Variants in TRPV3 observed in about 807,000 individuals in gnomAD.
TRPV3 encodes transient receptor potential cation channel subfamily V member 3.
TRPV3 carries 88 observed loss-of-function variants against 87.1 expected under a neutral mutation model. The observed-to-expected ratio is 1.01, with a 90% confidence interval of 0.85 to 1.21. The LOEUF is 1.21. TRPV3 is among the 50% of genes most tolerant of loss of function. The pLI is 0.00. For synonymous variants in TRPV3, 438 were observed against 423.3 expected, an observed-to-expected ratio of 1.03 and a Z score of -0.43; for missense variants, 1,054 against 1,030.1, an observed-to-expected ratio of 1.02 and a Z score of -0.32.
intron 2 of TRPV3, among the ~76,000 whole-genome samples, chr17:3,545,824 CAA>C (rs35206458): frequency 2.0e-4 from 25 of 124,524 alleles, no homozygotes; most frequent in Admixed American, 3.2e-4. Context: ...ACTTAAAATG[CAA>C]AAAAAAAAAA....
chr17:3,546,781 CAA>C (rs1491527741), intron 2 of TRPV3: 1 of 423,264 alleles, frequency 2.4e-6, no homozygotes, highest in Non-Finnish European at 4.8e-6. Context: ...AGTTTGAGGC[CAA>C]TGCGGCAAAA....
chr17:3,545,191 G>A lies in TRPV3; in HGVS notation c.200C>T (p.Pro67Leu). 1 of 1,613,916 alleles carries A rather than the reference G, an allele frequency of 6.2e-7. No homozygotes were observed. Among genetic ancestry groups the A allele is most frequent in the Non-Finnish European group, 8.5e-7 (1 of 1,179,886 alleles). ...AKTSPPVFSKPMDSNIRQCIS... is the reference protein window; with the variant it reads ...AKTSPPVFSKLMDSNIRQCIS... ...CCACTGCCGGATGTTGGAATCCATG[G>A]GCTTGGAGAAGACAGGAGGAGAGGT... is the stretch of plus-strand genomic sequence containing the variant. The change falls in exon 3 of 18, where the codon CCC becomes CTC. Residue 67 changes from proline (P) to leucine (L), a missense_variant. Pro to Leu is a moderately conservative substitution (Grantham distance 98, BLOSUM62 -3). Transcript: ENST00000576742.
chr17:3,535,890 C>A (rs867652839), intron 6 of TRPV3, among the ~76,000 whole-genome samples, 177 bp from the exon 7 acceptor site: 1 of 152,204 alleles, frequency 6.6e-6, no homozygotes, highest in South Asian at 2.1e-4. Flanking sequence ...CTGCGCGGAC[C>A]CAAGAAATGT....
intron 2 of TRPV3, 100 bp from the exon 3 acceptor site, chr17:3,545,371 C>T: frequency 1.2e-6 from 1 of 849,810 alleles, no homozygotes; most frequent in Admixed American, 2.3e-5. Context: ...ATGCTGAGCA[C>T]ACACCCTGGC....
chr17:3,524,300 G>T lies in TRPV3; in HGVS notation c.1641C>A (p.Tyr547Ter). 1 of 1,614,264 alleles carries T rather than the reference G, an allele frequency of 6.2e-7. No homozygotes were observed. Among genetic ancestry groups the T allele is most frequent in the African/African-American group, 1.3e-5 (1 of 75,070 alleles). ...VFLYLFAYKE[Y>*]LACLVLAMAL... The stretch of plus-strand genomic sequence containing the variant: ...CCATGGCCAGCACGAGGCAGGCGAG[G>T]TACTCTTTGTAGGCAAACAAGTACA... Residue 547 changes from tyrosine (Y) to a stop codon, truncating the protein, a stop_gained, in exon 13 of 18, where the codon TAC becomes TAA. Transcript: ENST00000576742. LOFTEE classifies it high-confidence loss of function.
chr17:3,538,383 T>C (rs1489906099), intron 6 of TRPV3, among the ~76,000 whole-genome samples: 1 of 133,898 alleles, frequency 7.5e-6, no homozygotes, highest in Non-Finnish European at 1.6e-5. Flanking sequence ...GTCAGGAAAA[T>C]GAAAATTAGA....
rs560890809 is a variant in TRPV3, at chr17:3,536,492, G to A, written c.644-779C>T. 2.0e-5 allele frequency among the ~76,000 whole-genome samples: 3 copies of A among 152,306 alleles called. No homozygotes were observed. In the South Asian group the frequency reaches 6.2e-4, roughly 32 times the overall value. On this transcript the variant is annotated intron_variant, in intron 6 of 17. Coordinates refer to ENST00000576742, the MANE Select transcript of TRPV3 (RefSeq NM_145068.4). ...AATCCCAGCTACTTGGGAGGCTGAG[G>A]CAGGAGAATCGCTTGAACCCAGGAG...
chr17:3,557,199 C>A lies in TRPV3; in HGVS notation c.-3+477G>T, dbSNP rs1447167005. Among the ~76,000 whole-genome samples the A allele has an allele frequency of 6.6e-6, 1 of 152,172 alleles. No homozygotes were observed. The highest frequency in any genetic ancestry group is 6.5e-5 in the Admixed American group (1 of 15,288). On this transcript the variant is annotated intron_variant, in intron 1 of 17. Transcript: ENST00000576742. This position sits in a 1 kb window ranked among gnomAD's most constrained non-coding sequence, Gnocchi z 4.5. Reference sequence around the variant, plus strand: ...AATCCCTGACACTGATTGAAATGGCCTTTCCCGGGCGACAGACCAGGCCGC... The same window carrying A: ...AATCCCTGACACTGATTGAAATGGCATTTCCCGGGCGACAGACCAGGCCGC...
chr17:3,540,027 C>T (rs2074444208), intron 6 of TRPV3, among the ~76,000 whole-genome samples: 2 of 151,600 alleles, frequency 1.3e-5, no homozygotes, highest in South Asian at 2.1e-4. Context: ...CCACTGCACT[C>T]CAGCCTGGTG....
rs141878503 is a variant in TRPV3, at chr17:3,556,819, C to G, written c.-3+857G>C. Among the ~76,000 whole-genome samples the G allele has an allele frequency of 6.6e-6, 1 of 152,092 alleles. No individual in the cohort carries two copies. Among genetic ancestry groups the G allele is most frequent in the Admixed American group, 6.5e-5 (1 of 15,286 alleles). Reference sequence around the variant, plus strand: ...GTCACGGCCTGATGAGGATGGGCAGCCTCTATGGCTTTCCCCATCCCCACG... The same window carrying G: ...GTCACGGCCTGATGAGGATGGGCAGGCTCTATGGCTTTCCCCATCCCCACG... On this transcript the variant is annotated intron_variant, in intron 1 of 17. Transcript: ENST00000576742. This position sits in a 1 kb window ranked among gnomAD's most constrained non-coding sequence, Gnocchi z 4.2.
At chr17:3,525,246 C>A (rs1165697782) in intron 12 of TRPV3, among the ~76,000 whole-genome samples, 1 of 152,222 alleles carries the variant, frequency 6.6e-6, no homozygotes, top group Non-Finnish European at 1.5e-5. Flanking sequence ...TCTCGAACTT[C>A]TGACCTCAGG....
At chr17:3,516,216 C>T (rs1393229862) in intron 16 of TRPV3, among the ~76,000 whole-genome samples, 4 of 151,924 alleles carry the variant, frequency 2.6e-5, no homozygotes, top group African/African-American at 9.7e-5. Flanking sequence ...AAGAAAAATG[C>T]AGAGAGGGGA....
intron 7 of TRPV3, among the ~76,000 whole-genome samples, chr17:3,534,666 A>C: frequency 6.7e-6 from 1 of 150,134 alleles, no homozygotes; most frequent in African/African-American, 2.5e-5. Context: ...TTCCTAGAGC[A>C]TCCTAACCCC....
chr17:3,546,967 C>CAAAAAAAAAAAAAAAAA lies in TRPV3; in HGVS notation c.120-1697_120-1696insTTTTTTTTTTTTTTTTT, dbSNP rs59021941. On this transcript the variant is annotated intron_variant, in intron 2 of 17. Transcript: ENST00000576742. ...TGAGTAACAGAGCGGGACTCCTTCT[C>CAAAAAAAAAAAAAAAAA]AAAAAAAAAAAACTGGGTCTGGGTG... Among the ~76,000 whole-genome samples, 146 of 123,466 alleles carry CAAAAAAAAAAAAAAAAA rather than the reference C, an allele frequency of 1.2e-3. No individual in the cohort carries two copies. The East Asian group carries it at 0.015, about 13-fold the overall frequency. 81.0% of individuals were successfully genotyped at this position (123,466 alleles called of 152,430 possible).
At chr17:3,519,580 A>G (rs535199467) in intron 14 of TRPV3, among the ~76,000 whole-genome samples, 6,699 of 94,676 alleles carry the variant, frequency 0.071, 361 homozygotes, top group African/African-American at 0.11. Context: ...ATGGATGATT[A>G]AATGGATGAA....
chr17:3,526,455 G>A (rs529954420), intron 12 of TRPV3, among the ~76,000 whole-genome samples: 7 of 151,744 alleles, frequency 4.6e-5, no homozygotes, highest in Non-Finnish European at 8.8e-5. Flanking sequence ...TCCAGCCTGG[G>A]CAACAAGAGT....
intron 6 of TRPV3, among the ~76,000 whole-genome samples, chr17:3,537,372 A>G (rs1477308395): frequency 6.6e-6 from 1 of 152,138 alleles, no homozygotes; most frequent in Non-Finnish European, 1.5e-5. Flanking sequence ...AAATAAAACT[A>G]TTTCTGTGTA....
chr17:3,547,635 A>T (rs770919346), intron 2 of TRPV3, among the ~76,000 whole-genome samples: 1 of 151,960 alleles, frequency 6.6e-6, no homozygotes, highest in Non-Finnish European at 1.5e-5. Flanking sequence ...AAAATGGCTG[A>T]TCTAGAGCAG....
At chr17:3,551,344 C>T (rs1171502572) in intron 2 of TRPV3, among the ~76,000 whole-genome samples, 2 of 152,358 alleles carry the variant, frequency 1.3e-5, no homozygotes, top group East Asian at 3.9e-4. Context: ...TCACTGCACA[C>T]ACTACATCCC....
Sources: allele counts gnomAD v4.1 joint callset (sites outside exome capture counted in the v4.1 genomes callset), GRCh38; gene constraint gnomAD v4.1.1; non-coding constraint Gnocchi (gnomAD v3.1); transcripts MANE v1.5; gene names NCBI Gene and HGNC (gene_info 2026-07-23, HGNC 2026-07-21).